Variants in NR3C2 observed in about 807,000 individuals in gnomAD.
NR3C2 encodes nuclear receptor subfamily 3 group C member 2.
Under a neutral mutation model 86.4 loss-of-function variants are expected in NR3C2, and 15 were observed. The ratio of observed to expected loss-of-function variants is 0.17; its 90% CI spans 0.12 to 0.27. The LOEUF (loss-of-function observed/expected upper bound fraction) is 0.27, where lower values mean the gene tolerates loss of function less well. NR3C2 is among the 10% of genes least tolerant of loss of function. The pLI is 1.00. For synonymous variants in NR3C2, 458 were observed against 450.5 expected (o/e 1.02, Z -0.21); for missense variants, 960 against 1,195.6 (o/e 0.80, Z 2.91).
intron 2 of NR3C2, among the ~76,000 whole-genome samples, chr4:148,378,085 G>A (rs1296681706): frequency 6.6e-6 from 1 of 152,130 alleles, no homozygotes; most frequent in South Asian, 2.1e-4. Flanking sequence ...TCCTTCACAT[G>A]AGCCATAGAG....
chr4:148,133,651 A>G (rs1354178718), intron 6 of NR3C2, among the ~76,000 whole-genome samples: 2 of 152,244 alleles, frequency 1.3e-5, no homozygotes, highest in Non-Finnish European at 2.9e-5. Context: ...TCATGGAGTC[A>G]TATTCTTCCT....
At chr4:148,317,956 T>C (rs566621813) in intron 2 of NR3C2, among the ~76,000 whole-genome samples, 9 of 151,560 alleles carry the variant, frequency 5.9e-5, no homozygotes, top group Admixed American at 5.9e-4. Context: ...ACATGTGCCA[T>C]GCTGGTGCGC....
At chr4:148,253,490 T>C (rs943944097) in intron 3 of NR3C2, among the ~76,000 whole-genome samples, 4 of 152,204 alleles carry the variant, frequency 2.6e-5, no homozygotes, top group African/African-American at 9.7e-5. Context: ...GTTCTAGACT[T>C]ATGTTCTTTA....
At chr4:148,422,929 CTG>C (rs1276893754) in intron 2 of NR3C2, among the ~76,000 whole-genome samples, 1 of 152,136 alleles carries the variant, frequency 6.6e-6, no homozygotes. Context: ...CTATAAACTC[CTG>C]TGTTTTTCTT....
chr4:148,239,832 T>G (rs1361635748), intron 3 of NR3C2, among the ~76,000 whole-genome samples: 1 of 152,214 alleles, frequency 6.6e-6, no homozygotes, highest in Admixed American at 6.5e-5. Flanking sequence ...TCGAAGTTTT[T>G]GTGGACACAT....
At chr4:148,203,223 G>A (rs1281087307) in intron 3 of NR3C2, among the ~76,000 whole-genome samples, 4 of 151,676 alleles carry the variant, frequency 2.6e-5, no homozygotes, top group Non-Finnish European at 4.4e-5. Flanking sequence ...TATATGTTTC[G>A]TAGAGCACCA....
intron 3 of NR3C2, among the ~76,000 whole-genome samples, chr4:148,222,636 A>C (rs1421537187): frequency 6.6e-6 from 1 of 152,232 alleles, no homozygotes; most frequent in African/African-American, 2.4e-5. Context: ...ACAAAACATA[A>C]TAAAAGCAAT....
At chr4:148,155,972 T>G (rs1560950846) in intron 4 of NR3C2, among the ~76,000 whole-genome samples, 1 of 152,130 alleles carries the variant, frequency 6.6e-6, no homozygotes, top group Non-Finnish European at 1.5e-5. Flanking sequence ...TCGACAACTA[T>G]CTGATCTTTG....
intron 2 of NR3C2, among the ~76,000 whole-genome samples, chr4:148,370,080 T>G (rs1746341333): frequency 6.6e-6 from 1 of 152,102 alleles, no homozygotes; most frequent in Non-Finnish European, 1.5e-5. Context: ...TGGTGATGGA[T>G]GGTAAAAGTT....
At position 148,436,520 on chromosome 4, in the gene NR3C2, T is replaced by C. The variant is rs766342968; in HGVS notation, c.341A>G (p.Asp114Gly). The part of the protein sequence containing the change: ...SMGLYMDSVR[D>G]ADYSYEQQNQ... ...CTGCTGCTCATAGGAATAGTCAGCATCTCTTACAGAATCCATATATAAACC... is the reference window on the plus strand; with the variant it reads ...CTGCTGCTCATAGGAATAGTCAGCACCTCTTACAGAATCCATATATAAACC... Residue 114 changes from aspartate (D) to glycine (G), a missense_variant, in exon 2 of 9, where the codon GAT (aspartate) becomes GGT (glycine). Coordinates refer to ENST00000358102, the MANE Select transcript of NR3C2 (RefSeq NM_000901.5). The C allele has an allele frequency of 6.2e-7, 1 of 1,614,196 alleles. No individual in the cohort carries two copies. Among genetic ancestry groups the C allele is most frequent in the South Asian group, 1.1e-5 (1 of 91,082 alleles).
At chr4:148,361,914 T>C (rs1490857681) in intron 2 of NR3C2, among the ~76,000 whole-genome samples, 3 of 152,204 alleles carry the variant, frequency 2.0e-5, no homozygotes, top group Admixed American at 1.3e-4. Context: ...CTTGGCTTAC[T>C]GCAACCTCTG....
intron 2 of NR3C2, among the ~76,000 whole-genome samples, chr4:148,284,813 G>T (rs1741433650): frequency 6.6e-6 from 1 of 152,162 alleles, no homozygotes; most frequent in Non-Finnish European, 1.5e-5. Context: ...AAATTAATAT[G>T]TGTTGACCTG....
intron 2 of NR3C2, among the ~76,000 whole-genome samples, chr4:148,372,315 CTCTTA>C (rs2126390673): frequency 6.6e-6 from 1 of 152,116 alleles, no homozygotes; most frequent in African/African-American, 2.4e-5. Context: ...AGATACTATA[CTCTTA>C]TCTTGTTTTT....
intron 8 of NR3C2, among the ~76,000 whole-genome samples, chr4:148,093,999 C>T (rs902231531): frequency 4.6e-5 from 7 of 151,882 alleles, no homozygotes; most frequent in African/African-American, 1.7e-4. Context: ...AACAACAAAC[C>T]AAACTGAATA....
At chr4:148,442,626 C>T (rs957156533), upstream of NR3C2, 3 of 984,804 alleles carry the variant, frequency 3.0e-6, no homozygotes, top group Non-Finnish European at 2.4e-6. Context: ...ACGGGTCAGG[C>T]GGGCTTCTTA....
intron 1 of NR3C2, among the ~76,000 whole-genome samples, chr4:148,441,503 G>A (rs922804171): frequency 9.9e-5 from 15 of 152,176 alleles, no homozygotes; most frequent in Admixed American, 2.6e-4. Context: ...TAAAACTGAT[G>A]GTGCCATAAA....
chr4:148,340,023 A>G (rs1478626846), intron 2 of NR3C2, among the ~76,000 whole-genome samples: 3 of 152,210 alleles, frequency 2.0e-5, no homozygotes, highest in Non-Finnish European at 4.4e-5. Context: ...AAGAAAAACT[A>G]CAAAACACTG....
chr4:148,098,466 C>T (rs1393249511), intron 8 of NR3C2, among the ~76,000 whole-genome samples: 3 of 148,518 alleles, frequency 2.0e-5, no homozygotes, highest in African/African-American at 7.8e-5. Flanking sequence ...ACAAAATGCA[C>T]AAAAATGCAA....
At chr4:148,239,960 G>A (rs1217756870) in intron 3 of NR3C2, among the ~76,000 whole-genome samples, 2 of 151,992 alleles carry the variant, frequency 1.3e-5, no homozygotes, top group African/African-American at 4.8e-5. Context: ...TGCACACATG[G>A]CTGTGCAGTG....
Sources: gnomAD v4.1 joint callset for allele counts (sites outside exome capture counted in the v4.1 genomes callset) on GRCh38, gnomAD v4.1.1 for gene constraint, MANE v1.5 for transcripts, NCBI Gene and HGNC (gene_info 2026-07-23, HGNC 2026-07-21) for gene names.